Variants in LRRC9 observed in about 807,000 individuals in gnomAD.
The protein encoded by LRRC9 is leucine rich repeat containing 9.
A neutral mutation model predicts 63.2 loss-of-function variants in LRRC9; 122 were observed. That is an observed-to-expected ratio of 1.93 (90% CI 1.67 to 2.24). The LOEUF (loss-of-function observed/expected upper bound fraction) is 2.24. Among genes scored for constraint, LRRC9 ranks in the 30% most tolerant of loss-of-function variants. The probability of loss-of-function intolerance (pLI) is 0.00; values close to 1 mark genes in which losing one functional copy is unlikely to be tolerated. For missense variants in LRRC9, 1,071 were observed against 627.7 expected, an observed-to-expected ratio of 1.71 and a Z score of -7.55; for synonymous variants, 366 against 213.1, an observed-to-expected ratio of 1.72 and a Z score of -6.25.
rs182949505 is a variant in LRRC9 at position 59,997,830 on chromosome 14, C to T, written c.2386C>T (p.His796Tyr). The T allele has an allele frequency of 3.6e-5, 25 of 696,894 alleles. No homozygotes were observed. The African/African-American group carries it at 4.4e-4, about 12-fold the overall frequency. 43.2% of individuals were successfully genotyped at this position (696,894 alleles called of 1,614,324 possible). A position where few individuals can be genotyped will look rare whatever the true frequency, so the allele number is the denominator to read the frequency against. ...AAGCCTTCTCACTCTTGATATTCAA[C>T]ATAATCCATGGCAAAAGGTATGCCA... Residue 796 changes from histidine to tyrosine, a missense_variant, in exon 18 of 32, where the codon CAT becomes TAT. By Grantham distance (83) the His-to-Tyr change is moderately conservative (BLOSUM62 2). Transcript: ENST00000445360.
rs867070324 is a variant in LRRC9, at chr14:60,022,486, C to G, written c.3567-248C>G. Among the ~76,000 whole-genome samples, 12 of 151,654 alleles carry G rather than the reference C, an allele frequency of 7.9e-5. No homozygotes were observed. The South Asian group carries it at 1.7e-3, about 21-fold the overall frequency. On this transcript the variant is annotated intron_variant, in intron 26 of 31. Coordinates refer to ENST00000445360, the Ensembl canonical transcript of LRRC9. The stretch of plus-strand genomic sequence containing the variant: ...CCAATCTGGATGCATTTTTTTCTTG[C>G]CTGATTGCATTTTCTAATGCTTTTC...
intron 29 of LRRC9, among the ~76,000 whole-genome samples, chr14:60,034,607 T>A (rs553977362): frequency 2.6e-5 from 4 of 152,178 alleles, no homozygotes; most frequent in Non-Finnish European, 5.9e-5. Context: ...TATTTGTCTT[T>A]CTGTGCCTGG....
At chr14:59,948,463 A>G (rs1450140909) in intron 8 of LRRC9, among the ~76,000 whole-genome samples, 1 of 131,450 alleles carries the variant, frequency 7.6e-6, no homozygotes, top group African/African-American at 3.0e-5. Flanking sequence ...AACAGGGACA[A>G]TTTGACTTCC....
chr14:59,944,885 CAT>C (rs1193541156), intron 8 of LRRC9, 141 bp downstream of exon 8: 8 of 374,164 alleles, frequency 2.1e-5, no homozygotes, highest in South Asian at 1.0e-4. Flanking sequence ...CACACACACA[CAT>C]ATGTAATTAC....
At chr14:59,997,537 T>C (rs1888926061) in intron 17 of LRRC9, 119 bp from the exon 18 acceptor site, 1 of 538,648 alleles carries the variant, frequency 1.9e-6, no homozygotes, top group African/African-American at 1.9e-5. Context: ...AACTACTGTT[T>C]ATGTGTCCTG....
At chr14:59,929,499 A>C (rs1339754722) in intron 3 of LRRC9, among the ~76,000 whole-genome samples, 1 of 152,092 alleles carries the variant, frequency 6.6e-6, no homozygotes, top group Non-Finnish European at 1.5e-5. Flanking sequence ...TTAGTTCAAC[A>C]TTGTGGAGAA....
At position 59,923,436 on chromosome 14, in the gene LRRC9, A is replaced by C. The variant is rs983315475; in HGVS notation, c.-34+3553A>C. ...AATGGAGAGCTATCCCTTGTTCTTGAGGATGACTCAAAACTGTAATATGGA... is the reference window on the plus strand; with the variant it reads ...AATGGAGAGCTATCCCTTGTTCTTGCGGATGACTCAAAACTGTAATATGGA... On this transcript the variant is annotated intron_variant, in intron 1 of 31. Coordinates refer to ENST00000445360, the Ensembl canonical transcript of LRRC9. This position sits in a 1 kb window ranked among gnomAD's most constrained non-coding sequence, Gnocchi z 4.2. Among the ~76,000 whole-genome samples, 2 of 152,218 alleles carry C rather than the reference A, an allele frequency of 1.3e-5. No individual in the cohort carries two copies. Among genetic ancestry groups the C allele is most frequent in the African/African-American group, 4.8e-5 (2 of 41,462 alleles).
At chr14:59,955,534 T>C (rs543496494) in intron 8 of LRRC9, among the ~76,000 whole-genome samples, 1 of 152,306 alleles carries the variant, frequency 6.6e-6, no homozygotes, top group Non-Finnish European at 1.5e-5. Context: ...TTCTCTCTTT[T>C]CTTCTTTATT....
At chr14:60,038,003 C>T (rs532548382) in intron 29 of LRRC9, among the ~76,000 whole-genome samples, 9 of 152,300 alleles carry the variant, frequency 5.9e-5, no homozygotes, top group African/African-American at 1.9e-4. Flanking sequence ...GTTTTCCCAG[C>T]ACCATTTATT....
At chr14:60,018,298 G>A (rs1270109127) in intron 24 of LRRC9, 73 bp from the exon 25 acceptor site, 1 of 688,250 alleles carries the variant, frequency 1.5e-6, no homozygotes, top group Admixed American at 2.0e-5. Context: ...GGCTGTATGT[G>A]AAGGAACTCA....
In LRRC9 at chr14:59,989,605, G is replaced by A. The variant is rs777163464; in HGVS notation, c.2211+4381G>A. Among the ~76,000 whole-genome samples, 3 of 151,550 alleles carry A rather than the reference G, an allele frequency of 2.0e-5. No homozygotes were observed. The South Asian group carries it at 6.2e-4, about 32-fold the overall frequency. ...AACATCTTTTAGTTTGTTTTAAAACGGTAGGTTAATAGTCATGATATGTTT... is the reference window on the plus strand; with the variant it reads ...AACATCTTTTAGTTTGTTTTAAAACAGTAGGTTAATAGTCATGATATGTTT... On this transcript the variant is annotated intron_variant, in intron 17 of 31. Coordinates refer to ENST00000445360, the Ensembl canonical transcript of LRRC9.
At chr14:59,939,977 G>A (rs1263307797) in intron 7 of LRRC9, among the ~76,000 whole-genome samples, 2 of 151,930 alleles carry the variant, frequency 1.3e-5, no homozygotes, top group African/African-American at 2.4e-5. Flanking sequence ...AGTCACCGAG[G>A]GAATGGTATA....
Position 59,919,892 on chromosome 14 carries a change from AAAGAT to A in LRRC9, c.-34+13_-34+17del, listed in dbSNP as rs1464583061. ...TCCGCGAACTGGCGAAGGTAAGTGA[AAAGAT>A]AAGCGCAGGTACAGAAAAACCTGCC... On this transcript the variant is annotated intron_variant, in intron 1 of 31. Transcript: ENST00000445360. The surrounding 1 kb of genome is among the most constrained non-coding windows in gnomAD (Gnocchi z 4.5). 1 of 152,304 alleles carries A rather than the reference AAAGAT, an allele frequency of 6.6e-6. No homozygotes were observed. The highest frequency in any genetic ancestry group is 2.4e-5 in the African/African-American group (1 of 41,466). 9.4% of individuals were successfully genotyped at this position (152,304 alleles called of 1,614,324 possible).
At chr14:59,984,102 A>G (rs1168940798) in intron 16 of LRRC9, among the ~76,000 whole-genome samples, 2 of 152,206 alleles carry the variant, frequency 1.3e-5, no homozygotes, top group Non-Finnish European at 2.9e-5. Flanking sequence ...AGTATGTTAG[A>G]TAGTGAAGCT....
intron 17 of LRRC9, among the ~76,000 whole-genome samples, chr14:59,996,095 G>A (rs1386489551): frequency 6.6e-6 from 1 of 152,154 alleles, no homozygotes; most frequent in Admixed American, 6.5e-5. Context: ...CTACAGGCAG[G>A]TGCCACAATG....
At chr14:59,982,032 C>A (rs994206518) in exon 16 of LRRC9, 7 of 702,006 alleles carry the variant, frequency 1.0e-5, no homozygotes, top group Non-Finnish European at 1.8e-5. Flanking sequence ...CTTTCCCTTG[C>A]AAAGACTAGC....
rs1287238514 is a variant in LRRC9 at position 59,977,194 on chromosome 14, T to G, written c.1640-31T>G. On this transcript the variant is annotated intron_variant, in intron 13 of 31. Coordinates refer to ENST00000445360, the Ensembl canonical transcript of LRRC9. ...GGAAAATTATTAAAGTTAATTATTC[T>G]TAAGAATTACTTCTGTTTTTTTATA... The G allele has an allele frequency of 6.1e-6, 4 of 656,974 alleles. No individual in the cohort carries two copies. In the East Asian group the frequency reaches 1.1e-4, roughly 18 times the overall value. The allele number at this position is 656,974 out of a possible 1,614,324, so 40.7% of individuals were successfully genotyped here.
rs1434204564 is a variant in LRRC9 at position 60,022,890 on chromosome 14, C to T, written c.3703+20C>T. ...TACAGGGTGAGTAGAAACACTGTTACTGTATAAGTCTTTATTTTTAAAAAC... is the reference window on the plus strand; with the variant it reads ...TACAGGGTGAGTAGAAACACTGTTATTGTATAAGTCTTTATTTTTAAAAAC... On this transcript the variant is annotated intron_variant, in intron 27 of 31. Coordinates refer to ENST00000445360, the Ensembl canonical transcript of LRRC9. 5.6e-6 allele frequency: 3 copies of T among 539,290 alleles called. No individual in the cohort carries two copies. The Admixed American group carries it at 9.7e-5, about 18-fold the overall frequency. The allele number at this position is 539,290 out of a possible 1,614,324, so 33.4% of individuals were successfully genotyped here.
intron 6 of LRRC9, among the ~76,000 whole-genome samples, chr14:59,934,747 A>G (rs1234757450): frequency 1.3e-5 from 2 of 152,216 alleles, no homozygotes; most frequent in South Asian, 2.1e-4. Context: ...CATACTTACT[A>G]TATGGAAATT....
Sources: gnomAD v4.1 joint callset for allele counts (sites outside exome capture counted in the v4.1 genomes callset) on GRCh38, gnomAD v4.1.1 for gene constraint, Gnocchi (gnomAD v3.1) non-coding constraint, MANE v1.5 for transcripts, NCBI Gene and HGNC (gene_info 2026-07-23, HGNC 2026-07-21) for gene names.